SETX: variants seen among roughly 807,000 people sequenced by gnomAD.
SETX encodes the protein senataxin.
A neutral mutation model predicts 227.2 loss-of-function variants in SETX; 90 were observed. The ratio of observed to expected loss-of-function variants is 0.40; its 90% CI spans 0.33 to 0.47. The LOEUF (loss-of-function observed/expected upper bound fraction) is 0.47, where lower values mean the gene tolerates loss of function less well. Among genes scored for constraint, SETX ranks in the 20% least tolerant of loss-of-function variants. SETX has a pLI of 0.91. For synonymous variants in SETX, 1,210 were observed against 1,113.2 expected, an observed-to-expected ratio of 1.09 and a Z score of -1.73; for missense variants, 3,052 against 3,181.5, an observed-to-expected ratio of 0.96 and a Z score of 0.98.
At chr9:132,324,653 G>A (rs77601872) in intron 10 of SETX, among the ~76,000 whole-genome samples, 2,179 of 152,182 alleles carry the variant, frequency 0.014, 55 homozygotes, top group African/African-American at 0.05. Context: ...ATCCCAAATG[G>A]TCACTTCCAG....
At chr9:132,352,580 G>A (rs992935506) in intron 2 of SETX, among the ~76,000 whole-genome samples, 9 of 152,110 alleles carry the variant, frequency 5.9e-5, no homozygotes, top group African/African-American at 1.2e-4. Flanking sequence ...GTGAAACCCC[G>A]TATCTACTAA....
In SETX at chr9:132,298,278, G is replaced by A. The variant is rs1165049729; in HGVS notation, c.5583C>T (p.Ile1861=). 1 of 1,613,966 alleles carries A rather than the reference G, an allele frequency of 6.2e-7. No individual in the cohort carries two copies. The highest frequency in any genetic ancestry group is 1.7e-5 in the Admixed American group (1 of 59,996). The change falls in exon 13 of 26, where the codon ATC becomes ATT. Residue 1861 remains isoleucine (I), a synonymous_variant. Coordinates refer to ENST00000224140, the MANE Select transcript of SETX (RefSeq NM_015046.7). ...RNGKTECYLS[I]QTQENFPANL... is the part of the protein sequence containing the mutation. The stretch of plus-strand genomic sequence containing the variant: ...TGGCCGGAAAGTTCTCTTGAGTCTG[G>A]ATGGAAAGGTAACACTCAGTTTTCC...
chr9:132,307,338 G>GT (rs35122140), intron 11 of SETX, among the ~76,000 whole-genome samples: 109 of 148,248 alleles, frequency 7.4e-4, no homozygotes, highest in East Asian at 1.6e-3. Context: ...AGCTAAATAA[G>GT]TTTTTTTTTT....
At chr9:132,330,840 ATAAGT>A (rs1847177514) in intron 9 of SETX, among the ~76,000 whole-genome samples, 3 of 152,182 alleles carry the variant, frequency 2.0e-5, no homozygotes, top group Admixed American at 6.5e-5. Context: ...AAATGTACTT[ATAAGT>A]TAATTTTCCA....
intron 10 of SETX, among the ~76,000 whole-genome samples, chr9:132,317,936 C>T (rs983026266): frequency 6.6e-6 from 1 of 152,056 alleles, no homozygotes; most frequent in African/African-American, 2.4e-5. Flanking sequence ...TCAATCTCAA[C>T]TCTCAACTCC....
chr9:132,271,132 A>C (rs1025018998), intron 24 of SETX, among the ~76,000 whole-genome samples: 4 of 152,218 alleles, frequency 2.6e-5, no homozygotes, highest in Non-Finnish European at 5.9e-5. Context: ...AATTTAGCCA[A>C]AGCAGGAAAA....
intron 5 of SETX, among the ~76,000 whole-genome samples, chr9:132,338,703 C>G (rs1379057898): frequency 6.6e-6 from 1 of 152,124 alleles, no homozygotes; most frequent in Admixed American, 6.5e-5. Context: ...TGGGACATGC[C>G]TGTTCAGATC....
In SETX at chr9:132,328,495, T is replaced by C. The variant is rs117229601; in HGVS notation, c.3103A>G (p.Lys1035Glu). 1,242 of 1,613,916 alleles carry C rather than the reference T, an allele frequency of 7.7e-4. 32 individuals carry two copies. In the East Asian group the frequency reaches 0.027, roughly 35 times the overall value. Residue 1035 changes from lysine to glutamate, a missense_variant, in exon 10 of 26, where the codon AAA becomes GAA. By Grantham distance (56) the Lys-to-Glu change is moderately conservative (BLOSUM62 1). Around this residue, in one of 10 missense-constraint regions of SETX, gnomAD observed 1,483 missense variants for 1,312.0 expected, o/e 1.13. Coordinates refer to ENST00000224140, the MANE Select transcript of SETX (RefSeq NM_015046.7). ...CTCTCAAGGCATATTTTGTCCTGTT[T>C]AGTGAGTTTCTCAAGACTCAGGATT... ...ERILSLEKLTKQDKICLEREH... is the reference protein window; with the variant it reads ...ERILSLEKLTEQDKICLEREH...
At chr9:132,301,067 C>A (rs1045699602) in intron 11 of SETX, among the ~76,000 whole-genome samples, 2 of 134,922 alleles carry the variant, frequency 1.5e-5, no homozygotes, top group African/African-American at 5.3e-5. Flanking sequence ...AATAAATTTT[C>A]TTTCCTTTAG....
chr9:132,269,761 G>T, intron 24 of SETX, 59 bp from the exon 25 acceptor site: 1 of 1,515,970 alleles, frequency 6.6e-7, no homozygotes, highest in South Asian at 1.1e-5. Context: ...GCCCATGTGA[G>T]ACAAAGGTGG....
chr9:132,300,130 CAAAAAAA>C (rs72582907), intron 12 of SETX, among the ~76,000 whole-genome samples: 1 of 47,206 alleles, frequency 2.1e-5, no homozygotes, highest in Non-Finnish European at 4.5e-5. Flanking sequence ...AACTCCGTCT[CAAAAAAA>C]AAAAAAAAAA....
chr9:132,290,515 C>T (rs1037697410), intron 15 of SETX, among the ~76,000 whole-genome samples: 8 of 129,480 alleles, frequency 6.2e-5, no homozygotes, highest in African/African-American at 2.1e-4. Flanking sequence ...GTGGAGGTTG[C>T]GGTGAGCTGA....
chr9:132,343,727 G>C (rs868141327), intron 4 of SETX, among the ~76,000 whole-genome samples: 17 of 152,244 alleles, frequency 1.1e-4, no homozygotes, highest in African/African-American at 4.1e-4. Context: ...TTCGATTTTT[G>C]ATCTGGATGC....
chr9:132,334,817 G>A (rs1224713994), intron 6 of SETX, 90 bp from the exon 7 acceptor site: 14 of 1,354,028 alleles, frequency 1.0e-5, no homozygotes, highest in Admixed American at 5.1e-5. Flanking sequence ...AAGGCAGGAA[G>A]ATGAAGCAAG....
chr9:132,265,836 G>C (rs1297822694), intron 25 of SETX, among the ~76,000 whole-genome samples: 1 of 152,016 alleles, frequency 6.6e-6, no homozygotes, highest in African/African-American at 2.4e-5. Flanking sequence ...GCAAACTTCT[G>C]AGTGCATGTG....
intron 11 of SETX, among the ~76,000 whole-genome samples, chr9:132,304,872 C>T (rs1845230079): frequency 6.6e-6 from 1 of 152,018 alleles, no homozygotes; most frequent in African/African-American, 2.4e-5. Flanking sequence ...GTGGCACATG[C>T]CATAATCCCA....
At chr9:132,302,192 C>T (rs979687525) in intron 11 of SETX, among the ~76,000 whole-genome samples, 1 of 151,634 alleles carries the variant, frequency 6.6e-6, no homozygotes, top group African/African-American at 2.4e-5. Context: ...CCCGTCTCTA[C>T]TAAAAATACA....
At chr9:132,337,106 G>A (rs948867085) in intron 5 of SETX, among the ~76,000 whole-genome samples, 5 of 151,562 alleles carry the variant, frequency 3.3e-5, no homozygotes, top group Non-Finnish European at 7.4e-5. Flanking sequence ...TTTTTTTTAA[G>A]TCTTTATCTT....
chr9:132,310,005 AAG>A (rs1182226445), intron 11 of SETX, among the ~76,000 whole-genome samples: 1 of 152,218 alleles, frequency 6.6e-6, no homozygotes, highest in Non-Finnish European at 1.5e-5. Flanking sequence ...CATCACTAAA[AAG>A]AGTCAGTATG....
Sources: allele counts gnomAD v4.1 joint callset (sites outside exome capture counted in the v4.1 genomes callset), GRCh38; gene constraint gnomAD v4.1.1; regional missense constraint gnomAD v4.1.1; transcripts MANE v1.5; gene names NCBI Gene and HGNC (gene_info 2026-07-23, HGNC 2026-07-21).